The following RNF169 variants were observed in gnomAD, a reference collection of about 807,000 sequenced individuals.
The protein encoded by RNF169 is ring finger protein 169.
In RNF169, 24 loss-of-function variants were observed where a neutral mutation model predicts 53.9. That is an observed-to-expected ratio of 0.45 (90% CI 0.32 to 0.63). The LOEUF is 0.63. RNF169 is among the 20% of genes least tolerant of loss of function. The pLI, the probability that RNF169 is intolerant of heterozygous loss-of-function variation, is 0.04. For missense variants in RNF169, 883 were observed against 906.2 expected, an observed-to-expected ratio of 0.97 and a Z score of 0.33; for synonymous variants, 396 against 363.5, an observed-to-expected ratio of 1.09 and a Z score of -1.02.
intron 1 of RNF169, among the ~76,000 whole-genome samples, chr11:74,782,744 A>G (rs1358006703): frequency 6.6e-6 from 1 of 152,142 alleles, no homozygotes; most frequent in Non-Finnish European, 1.5e-5. Context: ...ACATATTAGT[A>G]TAACTATATT....
Position 74,749,395 on chromosome 11 carries a change from CA to C in RNF169, c.502+14del, listed in dbSNP as rs757493883. ...CCTGCGGAGCCAGGTGGAGCTTCCC[CA>C]CTTCCCCTTAGGGTCTGGAGCGAGG... On this transcript the variant is annotated intron_variant, in intron 1 of 5. Transcript: ENST00000299563. 3 of 1,248,142 alleles carry C rather than the reference CA, an allele frequency of 2.4e-6. No homozygotes were observed. The Admixed American group carries it at 1.0e-4, about 42-fold the overall frequency. The allele number at this position is 1,248,142 out of a possible 1,614,324, so 77.3% of individuals were successfully genotyped here. A position where few individuals can be genotyped will look rare whatever the true frequency, so the allele number is the denominator to read the frequency against.
In RNF169 at chr11:74,836,033, T is replaced by G; in HGVS notation, c.1430T>G (p.Leu477Arg). 1 of 1,614,192 alleles carries G rather than the reference T, an allele frequency of 6.2e-7. No homozygotes were observed. Among genetic ancestry groups the G allele is most frequent in the Non-Finnish European group, 8.5e-7 (1 of 1,180,008 alleles). The change falls in exon 6 of 6, where the codon CTT becomes CGT. Residue 477 changes from leucine to arginine, a missense_variant. Leu to Arg is a moderately radical substitution (Grantham distance 102). Transcript: ENST00000299563. The stretch of plus-strand genomic sequence containing the variant: ...ATCCATTCTAGCAAGGAGAAGCCAC[T>G]TGTGGCTGTAAATACAAGATTATCT... The part of the protein sequence containing the change: ...EGIHSSKEKP[L>R]VAVNTRLSGG...
At position 74,838,971 on chromosome 11, in the gene RNF169, T is replaced by G. The variant is rs147741357; in HGVS notation, c.*2241T>G. 5.3e-5 allele frequency: 8 copies of G among 152,352 alleles called. No homozygotes were observed. The East Asian group carries it at 1.2e-3, about 22-fold the overall frequency. 9.4% of individuals were successfully genotyped at this position (152,352 alleles called of 1,614,324 possible). A position where few individuals can be genotyped will look rare whatever the true frequency, so the allele number is the denominator to read the frequency against. On this transcript the variant is annotated 3_prime_UTR_variant, in exon 6 of 6. Transcript: ENST00000299563. The stretch of plus-strand genomic sequence containing the variant: ...TCTCCAGTAATTTGAAAAACACTTT[T>G]CAGTTGGAATTGATTTTTGTCTTTG...
At chr11:74,773,390 A>C (rs922346155) in intron 1 of RNF169, among the ~76,000 whole-genome samples, 1 of 152,152 alleles carries the variant, frequency 6.6e-6, no homozygotes, top group Non-Finnish European at 1.5e-5. Flanking sequence ...AAAGCCTCTT[A>C]TATGTGTTTA....
intron 1 of RNF169, among the ~76,000 whole-genome samples, chr11:74,754,778 C>T (rs2034956078): frequency 6.6e-6 from 1 of 152,170 alleles, no homozygotes; most frequent in South Asian, 2.1e-4. Context: ...CGAGATTGCG[C>T]CACTGCACTC....
At position 74,835,955 on chromosome 11, in the gene RNF169, C is replaced by G; in HGVS notation, c.1352C>G (p.Thr451Ser). The stretch of plus-strand genomic sequence containing the variant: ...ATCAAAAAGACCCTTTCAAAAGCCA[C>G]TCTTACCTCTCTGGCTCCTGAAATG... ...RQIKKTLSKA[T>S]LTSLAPEMGE... Residue 451 changes from threonine (T) to serine (S), a missense_variant, in exon 6 of 6, where the codon ACT becomes AGT. By Grantham distance (58) the Thr-to-Ser change is moderately conservative. This residue lies in a region of RNF169 where 351 missense variants were observed against 337.3 expected (regional missense o/e 1.04). Coordinates refer to ENST00000299563, the MANE Select transcript of RNF169 (RefSeq NM_001098638.2). 6.2e-7 allele frequency: 1 copy of G among 1,614,212 alleles called. No individual in the cohort carries two copies. The highest frequency in any genetic ancestry group is 1.3e-5 in the African/African-American group (1 of 75,060).
At chr11:74,802,267 G>A (rs1023953497) in intron 2 of RNF169, among the ~76,000 whole-genome samples, 1 of 152,186 alleles carries the variant, frequency 6.6e-6, no homozygotes, top group Non-Finnish European at 1.5e-5. Flanking sequence ...GAGTACAGTA[G>A]TTCATCACAA....
At chr11:74,810,448 T>G in intron 3 of RNF169, 118 bp downstream of exon 3, 1 of 937,258 alleles carries the variant, frequency 1.1e-6, no homozygotes, top group Non-Finnish European at 1.7e-6. Context: ...TCAGTGACTG[T>G]GCAGCTTAAG....
chr11:74,790,019 T>C (rs1302691566), intron 2 of RNF169, among the ~76,000 whole-genome samples: 2 of 152,366 alleles, frequency 1.3e-5, no homozygotes, highest in Non-Finnish European at 2.9e-5. Flanking sequence ...TTGCTTGTAT[T>C]ATTTTTCTTT....
intron 4 of RNF169, among the ~76,000 whole-genome samples, chr11:74,822,206 G>C (rs1181893630): frequency 1.3e-5 from 2 of 152,142 alleles, no homozygotes; most frequent in Non-Finnish European, 2.9e-5. Context: ...AAGAGACAGA[G>C]AGAGTAATGA....
At chr11:74,809,724 A>G (rs530130737) in intron 2 of RNF169, among the ~76,000 whole-genome samples, 1 of 152,364 alleles carries the variant, frequency 6.6e-6, no homozygotes, top group South Asian at 2.1e-4. Context: ...ACTGCAGGAT[A>G]AGAGCATAAA....
intron 2 of RNF169, among the ~76,000 whole-genome samples, chr11:74,804,734 GT>G (rs1591416841): frequency 6.6e-6 from 1 of 152,132 alleles, no homozygotes; most frequent in East Asian, 1.9e-4. Flanking sequence ...TTAGCCTGTG[GT>G]AAAACTGTTT....
chr11:74,807,573 G>T (rs1054763906), intron 2 of RNF169, among the ~76,000 whole-genome samples: 2 of 152,058 alleles, frequency 1.3e-5, no homozygotes, highest in African/African-American at 4.8e-5. Flanking sequence ...TAAAATCCAG[G>T]CTCTTCAGTA....
At chr11:74,808,612 A>C (rs945436645) in intron 2 of RNF169, among the ~76,000 whole-genome samples, 11 of 152,228 alleles carry the variant, frequency 7.2e-5, no homozygotes, top group Non-Finnish European at 1.0e-4. Context: ...AGTTTTCTTA[A>C]GTGAGATAAT....
intron 1 of RNF169, among the ~76,000 whole-genome samples, chr11:74,763,742 G>A (rs1457151236): frequency 6.6e-6 from 1 of 152,234 alleles, no homozygotes; most frequent in South Asian, 2.1e-4. Context: ...AAAAAAAAAT[G>A]TGGAGGAGAT....
intron 4 of RNF169, among the ~76,000 whole-genome samples, chr11:74,825,105 G>C (rs2036074940): frequency 6.6e-6 from 1 of 152,084 alleles, no homozygotes; most frequent in Admixed American, 6.6e-5. Flanking sequence ...TGTTACAAAA[G>C]ACAAAGAAAT....
intron 2 of RNF169, among the ~76,000 whole-genome samples, chr11:74,792,921 C>G (rs2035598606): frequency 6.6e-6 from 1 of 152,184 alleles, no homozygotes; most frequent in Non-Finnish European, 1.5e-5. Context: ...AGCTACCGGT[C>G]CATCTCACCC....
chr11:74,767,966 A>T (rs1205225072), intron 1 of RNF169, among the ~76,000 whole-genome samples: 24 of 152,148 alleles, frequency 1.6e-4, no homozygotes, highest in Admixed American at 1.6e-3. Context: ...GGTGTGAGCC[A>T]CTGTGCCCAG....
chr11:74,780,726 C>T (rs1392005449), intron 1 of RNF169, among the ~76,000 whole-genome samples: 3 of 152,174 alleles, frequency 2.0e-5, no homozygotes, highest in South Asian at 2.1e-4. Context: ...ACAAAAACTC[C>T]TGTTGAGAAT....
Sources: gnomAD v4.1 joint callset for allele counts (sites outside exome capture counted in the v4.1 genomes callset) on GRCh38, gnomAD v4.1.1 for gene constraint, gnomAD v4.1.1 regional missense constraint, MANE v1.5 for transcripts, NCBI Gene and HGNC (gene_info 2026-07-23, HGNC 2026-07-21) for gene names.